Variants in ROBO2 observed in about 807,000 individuals in gnomAD.
ROBO2 encodes roundabout homolog 2.
In ROBO2, 53 loss-of-function variants were observed where a neutral mutation model predicts 160.8. The ratio of observed to expected loss-of-function variants is 0.33; its 90% CI spans 0.26 to 0.41. The LOEUF is 0.41. ROBO2 is among the 10% of genes least tolerant of loss of function. ROBO2 has a pLI of 1.00. For missense variants in ROBO2, 1,577 were observed against 1,722.4 expected (o/e 0.92, Z 1.49); for synonymous variants, 664 against 611.7 (o/e 1.09, Z -1.26).
At chr3:76,512,326 A>G (rs2081138744) in intron 2 of ROBO2, among the ~76,000 whole-genome samples, 1 of 146,382 alleles carries the variant, frequency 6.8e-6, no homozygotes, top group Middle Eastern at 3.6e-3. Flanking sequence ...ATATATGTAT[A>G]TATATATATA....
At chr3:76,131,593 T>G (rs2071223749) in intron 2 of ROBO2, among the ~76,000 whole-genome samples, 1 of 152,084 alleles carries the variant, frequency 6.6e-6, no homozygotes, top group African/African-American at 2.4e-5. Context: ...AGGAATCAAC[T>G]GAGACCTGTC....
chr3:77,141,797 C>T (rs1445598959), intron 2 of ROBO2, among the ~76,000 whole-genome samples: 2 of 152,138 alleles, frequency 1.3e-5, no homozygotes, highest in African/African-American at 2.4e-5. Flanking sequence ...TAGAGGCAAA[C>T]CAAACAAGCT....
At chr3:76,135,708 G>T (rs2071403581) in intron 2 of ROBO2, among the ~76,000 whole-genome samples, 1 of 152,082 alleles carries the variant, frequency 6.6e-6, no homozygotes, top group African/African-American at 2.4e-5. Flanking sequence ...CAGTAGCTGA[G>T]CCAAGAATAG....
intron 2 of ROBO2, among the ~76,000 whole-genome samples, chr3:76,204,997 CT>C (rs1702730776): frequency 1.3e-5 from 2 of 152,032 alleles, no homozygotes; most frequent in African/African-American, 4.8e-5. Context: ...TTTTAAAAAT[CT>C]TTATTTGGAA....
intron 2 of ROBO2, among the ~76,000 whole-genome samples, chr3:77,139,474 C>A (rs776290958): frequency 2.0e-5 from 3 of 152,138 alleles, no homozygotes; most frequent in Non-Finnish European, 4.4e-5. Context: ...CTTGCAGCCA[C>A]ATCTACCAAT....
rs558354442 is a variant in ROBO2, at chr3:77,476,944, T to C, written c.389-470T>C. Among the ~76,000 whole-genome samples, 14 of 151,020 alleles carry C rather than the reference T, an allele frequency of 9.3e-5. No homozygotes were observed. The South Asian group carries it at 2.1e-3, about 23-fold the overall frequency. On this transcript the variant is annotated intron_variant, in intron 2 of 25. Coordinates refer to ENST00000461745, the Ensembl canonical transcript of ROBO2. ...GAAAACAGTGTGGATCTTGTCTATG[T>C]TTGTGTCATGAGAAAGGACTTTGTC...
chr3:77,186,616 T>G (rs1211768945), intron 2 of ROBO2, among the ~76,000 whole-genome samples: 1 of 151,986 alleles, frequency 6.6e-6, no homozygotes, highest in South Asian at 2.1e-4. Context: ...TCCCCCATAT[T>G]GAGAGAATTG....
chr3:76,319,255 T>C (rs148173320), intron 2 of ROBO2, among the ~76,000 whole-genome samples: 68 of 152,232 alleles, frequency 4.5e-4, no homozygotes, highest in African/African-American at 1.3e-3. Context: ...AAGTCTTTTA[T>C]TGATGTCTTA....
chr3:76,758,203 GA>G (rs997056761), intron 2 of ROBO2, among the ~76,000 whole-genome samples: 20 of 149,874 alleles, frequency 1.3e-4, no homozygotes, highest in East Asian at 5.9e-4. Context: ...TTGTTCCATG[GA>G]AAAAAAAATA....
In ROBO2 at chr3:76,283,136, G is replaced by GTATATA. The variant is rs547807116; in HGVS notation, c.109+345545_109+345550dup. On this transcript the variant is annotated intron_variant, in intron 2 of 26. Coordinates refer to the ROBO2 transcript ENST00000487694. ...GTTATATATGTATATATATAAAACT[G>GTATATA]TATATATATATATATAAAACTACAT... is the stretch of plus-strand genomic sequence containing the variant. Among the ~76,000 whole-genome samples the GTATATA allele has an allele frequency of 6.0e-4, 38 of 63,538 alleles. 8 individuals are homozygous for GTATATA. The East Asian group carries it at 0.012, about 20-fold the overall frequency. The allele number at this position is 63,538 out of a possible 152,430, so 41.7% of individuals were successfully genotyped here. A position where few individuals can be genotyped will look rare whatever the true frequency, so the allele number is the denominator to read the frequency against.
intron 2 of ROBO2, among the ~76,000 whole-genome samples, chr3:77,118,570 G>C (rs115591254): frequency 3.3e-5 from 5 of 152,156 alleles, no homozygotes; most frequent in Admixed American, 2.6e-4. Flanking sequence ...ACTCTATTTC[G>C]CTTGATGCCC....
At chr3:77,598,958 T>G (rs2094372617) in intron 19 of ROBO2, among the ~76,000 whole-genome samples, 1 of 152,090 alleles carries the variant, frequency 6.6e-6, no homozygotes, top group African/African-American at 2.4e-5. Flanking sequence ...ATGGAGAAAA[T>G]GAATATTCAG....
intron 2 of ROBO2, among the ~76,000 whole-genome samples, chr3:76,704,636 A>T (rs1195428513): frequency 1.3e-5 from 2 of 152,106 alleles, no homozygotes; most frequent in Non-Finnish European, 2.9e-5. Flanking sequence ...GGTCCTAGGG[A>T]TAAGGAACCC....
chr3:76,182,533 T>A (rs552217615), intron 2 of ROBO2, among the ~76,000 whole-genome samples: 1 of 152,114 alleles, frequency 6.6e-6, no homozygotes, highest in Admixed American at 6.6e-5. Flanking sequence ...AAAATATTGA[T>A]TAACCCCTGT....
exon 26 of ROBO2, chr3:77,646,430 A>C (rs1465025855): frequency 1.1e-5 from 2 of 186,246 alleles, no homozygotes; most frequent in Non-Finnish European, 2.2e-5. Context: ...TATGTGAATT[A>C]ATAGGCTGTG....
chr3:76,463,728 G>T (rs1416346357), intron 2 of ROBO2, among the ~76,000 whole-genome samples: 1 of 152,070 alleles, frequency 6.6e-6, no homozygotes, highest in Non-Finnish European at 1.5e-5. Flanking sequence ...AGATCCTCAG[G>T]GTTATCTATT....
chr3:76,037,842 G>A (rs62267241), intron 2 of ROBO2, among the ~76,000 whole-genome samples: 11,669 of 152,010 alleles, frequency 0.077, 1,174 homozygotes, highest in African/African-American at 0.21. Context: ...TTTTAAAGAA[G>A]TGCCATTTAA....
intron 2 of ROBO2, among the ~76,000 whole-genome samples, chr3:76,884,124 T>C (rs2148768142): frequency 6.6e-6 from 1 of 152,356 alleles, no homozygotes; most frequent in Non-Finnish European, 1.5e-5. Context: ...GCTTTTTTGA[T>C]AGATGAAAAG....
chr3:76,639,072 G>GCACT (rs1340696514), intron 2 of ROBO2, among the ~76,000 whole-genome samples: 1 of 151,932 alleles, frequency 6.6e-6, no homozygotes, highest in Non-Finnish European at 1.5e-5. Context: ...AAAGCCTGAA[G>GCACT]CACTAGTTTA....
Sources: gnomAD v4.1 joint callset for allele counts (sites outside exome capture counted in the v4.1 genomes callset) on GRCh38, gnomAD v4.1.1 for gene constraint, MANE v1.5 for transcripts, NCBI Gene and HGNC (gene_info 2026-07-23, HGNC 2026-07-21) for gene names.